UVRAG: variants seen among roughly 807,000 people sequenced by gnomAD.
UVRAG encodes the protein UV radiation resistance associated.
UVRAG carries 19 observed loss-of-function variants against 78.0 expected under a neutral mutation model. The observed-to-expected ratio is 0.24, with a 90% CI of 0.17 to 0.36. UVRAG has a LOEUF of 0.36. Ranked by LOEUF, UVRAG falls within the 10% of genes least tolerant of loss-of-function variation. UVRAG has a pLI of 1.00. For synonymous variants in UVRAG, 323 were observed against 324.6 expected, an observed-to-expected ratio of 1.00 and a Z score of 0.05; for missense variants, 740 against 853.8, an observed-to-expected ratio of 0.87 and a Z score of 1.66.
At chr11:76,089,149 T>G (rs777606913) in intron 13 of UVRAG, among the ~76,000 whole-genome samples, 24 of 152,276 alleles carry the variant, frequency 1.6e-4, no homozygotes, top group South Asian at 4.1e-4. Flanking sequence ...CAGTCTTACT[T>G]ATAGATATGC....
chr11:75,881,617 A>G lies in UVRAG; in HGVS notation c.432+1577A>G, dbSNP rs191403824. ...TTTTCCTTTCACATTGGGTTTTGCT[A>G]TGTTGCCCTGGCTGGTTGTGAACCC... On this transcript the variant is annotated intron_variant, in intron 4 of 14. Coordinates refer to ENST00000356136, the MANE Select transcript of UVRAG (RefSeq NM_003369.4). Among the ~76,000 whole-genome samples the G allele has an allele frequency of 2.0e-4, 30 of 152,146 alleles. No individual in the cohort carries two copies. The East Asian group carries it at 4.6e-3, about 24-fold the overall frequency.
At chr11:75,982,287 G>A (rs1455540302) in intron 7 of UVRAG, among the ~76,000 whole-genome samples, 2 of 152,204 alleles carry the variant, frequency 1.3e-5, no homozygotes, top group African/African-American at 4.8e-5. Flanking sequence ...CTAAGTGGCA[G>A]GGGAGAAAGC....
At chr11:75,944,468 T>A (rs968211178) in intron 6 of UVRAG, among the ~76,000 whole-genome samples, 1 of 152,168 alleles carries the variant, frequency 6.6e-6, no homozygotes, top group Non-Finnish European at 1.5e-5. Context: ...GGGAAATTTT[T>A]AAATGCATGG....
intron 6 of UVRAG, among the ~76,000 whole-genome samples, chr11:75,924,034 G>A (rs1405120492): frequency 1.3e-5 from 2 of 152,030 alleles, no homozygotes; most frequent in Admixed American, 1.3e-4. Flanking sequence ...GAATGAGAAT[G>A]GAGAATGTGG....
chr11:76,030,406 G>C (rs976721036), intron 12 of UVRAG, among the ~76,000 whole-genome samples: 43 of 152,130 alleles, frequency 2.8e-4, no homozygotes, highest in Non-Finnish European at 5.3e-4. Context: ...ACTTCAAATA[G>C]GCCGAGAGTT....
At chr11:75,928,939 C>CAAA (rs368913080) in intron 6 of UVRAG, among the ~76,000 whole-genome samples, 2,435 of 67,142 alleles carry the variant, frequency 0.036, 500 homozygotes, top group Middle Eastern at 0.12. Flanking sequence ...GAGACTGTCT[C>CAAA]AAAAAAAAAA....
intron 1 of UVRAG, among the ~76,000 whole-genome samples, chr11:75,831,508 A>AACAAAC (rs1945657552): frequency 6.6e-6 from 1 of 151,658 alleles, no homozygotes; most frequent in African/African-American, 2.4e-5. Flanking sequence ...ACAAACAAAA[A>AACAAAC]AAAAAAACAA....
chr11:75,919,834 G>A (rs1282405719), intron 6 of UVRAG, among the ~76,000 whole-genome samples: 1 of 152,010 alleles, frequency 6.6e-6, no homozygotes, highest in Non-Finnish European at 1.5e-5. Context: ...TGTGGAAGCA[G>A]GTCTGAAGAA....
At chr11:75,826,461 T>TA (rs1414961084) in intron 1 of UVRAG, among the ~76,000 whole-genome samples, 1 of 149,036 alleles carries the variant, frequency 6.7e-6, no homozygotes, top group Non-Finnish European at 1.5e-5. Context: ...ACTTGTTTCT[T>TA]AAACTTCACT....
rs544288687 is a variant in UVRAG, at chr11:76,102,797, A to G, written c.1306-13127A>G. 9.9e-4 allele frequency among the ~76,000 whole-genome samples: 151 copies of G among 152,286 alleles called. 1 individual carries two copies. Among genetic ancestry groups the G allele is most frequent in the African/African-American group, 3.4e-3 (142 of 41,580 alleles). On this transcript the variant is annotated intron_variant, in intron 13 of 14. Coordinates refer to ENST00000356136, the MANE Select transcript of UVRAG (RefSeq NM_003369.4). The stretch of plus-strand genomic sequence containing the variant: ...TCATGAAGGGATGTTGAATTTTATC[A>G]AAAGCCTTTTCTGCAACATCCATTT...
chr11:75,831,361 G>A lies in UVRAG; in HGVS notation c.117+15837G>A, dbSNP rs535609662. On this transcript the variant is annotated intron_variant, in intron 1 of 14. Coordinates refer to ENST00000356136, the MANE Select transcript of UVRAG (RefSeq NM_003369.4). ...AAATTAGCCGGGTGTGGTGGCAGGC[G>A]CCTGTAATCCCAGCTACTTGGGAGG... 3.3e-5 allele frequency among the ~76,000 whole-genome samples: 5 copies of A among 152,100 alleles called. No homozygotes were observed. The East Asian group carries it at 5.8e-4, about 18-fold the overall frequency.
intron 6 of UVRAG, among the ~76,000 whole-genome samples, chr11:75,959,964 A>G (rs905064035): frequency 6.6e-6 from 1 of 152,212 alleles, no homozygotes; most frequent in Non-Finnish European, 1.5e-5. Flanking sequence ...CAAAACATTT[A>G]TCGATAAAGT....
intron 6 of UVRAG, among the ~76,000 whole-genome samples, chr11:75,941,062 A>G (rs1315624301): frequency 6.6e-6 from 1 of 152,202 alleles, no homozygotes; most frequent in Admixed American, 6.5e-5. Context: ...GTTTTGCCAA[A>G]ATGTTTTCAG....
At chr11:75,840,034 C>T (rs1162491024) in intron 1 of UVRAG, among the ~76,000 whole-genome samples, 1 of 152,090 alleles carries the variant, frequency 6.6e-6, no homozygotes, top group Non-Finnish European at 1.5e-5. Flanking sequence ...CACAGGCATG[C>T]TATTACTCAA....
intron 13 of UVRAG, among the ~76,000 whole-genome samples, chr11:76,108,560 T>C (rs1355279394): frequency 6.6e-6 from 1 of 152,180 alleles, no homozygotes; most frequent in African/African-American, 2.4e-5. Flanking sequence ...ACAAAGTGGA[T>C]GTATAGTGAT....
intron 2 of UVRAG, among the ~76,000 whole-genome samples, chr11:75,859,256 A>G (rs1193311754): frequency 6.6e-6 from 1 of 152,040 alleles, no homozygotes; most frequent in Non-Finnish European, 1.5e-5. Context: ...TGCACCTGCA[A>G]TCCCAGCTAC....
chr11:75,933,820 A>G (rs1042286895), intron 6 of UVRAG, among the ~76,000 whole-genome samples: 3 of 152,236 alleles, frequency 2.0e-5, no homozygotes, highest in Non-Finnish European at 4.4e-5. Context: ...ACGCTAGTTA[A>G]ACTGGCTTTT....
At chr11:76,059,290 A>G (rs930840043) in intron 12 of UVRAG, among the ~76,000 whole-genome samples, 6 of 152,334 alleles carry the variant, frequency 3.9e-5, no homozygotes, top group African/African-American at 1.4e-4. Context: ...TCATATAACA[A>G]CTAAGTATGT....
At chr11:76,140,108 CCTCCCTCTCTCT>C (rs1952685652) in intron 14 of UVRAG, among the ~76,000 whole-genome samples, 1 of 16,482 alleles carries the variant, frequency 6.1e-5, no homozygotes. Context: ...TCCCTCCCTC[CCTCCCTCTCTCT>C]CTCTCTCTCT....
Sources: allele counts gnomAD v4.1 joint callset (sites outside exome capture counted in the v4.1 genomes callset), GRCh38; gene constraint gnomAD v4.1.1; transcripts MANE v1.5; gene names NCBI Gene and HGNC (gene_info 2026-07-23, HGNC 2026-07-21).